Variants in CDH13 observed in about 807,000 individuals in gnomAD.
CDH13 encodes the protein cadherin 13.
In CDH13, 24 loss-of-function variants were observed where a neutral mutation model predicts 63.8. The ratio of observed to expected loss-of-function variants is 0.38; its 90% confidence interval spans 0.27 to 0.53. CDH13 has a LOEUF of 0.53. Ranked by LOEUF, CDH13 falls within the 20% of genes least tolerant of loss-of-function variation. The pLI is 0.85. For synonymous variants in CDH13, 503 were observed against 355.3 expected (o/e 1.42, Z -4.67); for missense variants, 1,049 against 903.1 (o/e 1.16, Z -2.07).
chr16:83,567,079 T>C (rs1904287673), intron 7 of CDH13, among the ~76,000 whole-genome samples: 1 of 152,098 alleles, frequency 6.6e-6, no homozygotes, highest in Non-Finnish European at 1.5e-5. Flanking sequence ...TTTTCCCCAT[T>C]TGCCATCCAG....
intron 6 of CDH13, among the ~76,000 whole-genome samples, chr16:83,346,501 G>A (rs2090842310): frequency 6.6e-6 from 1 of 152,210 alleles, no homozygotes; most frequent in Non-Finnish European, 1.5e-5. Context: ...GGCCCCATGA[G>A]TGAGTGACTA....
chr16:83,656,052 G>A (rs1598422906), intron 8 of CDH13, among the ~76,000 whole-genome samples: 1 of 152,104 alleles, frequency 6.6e-6, no homozygotes. Context: ...ATCACCCGAG[G>A]GGAAACTTTA....
At chr16:82,686,497 G>GGCA (rs1378469277) in intron 1 of CDH13, among the ~76,000 whole-genome samples, 2 of 152,192 alleles carry the variant, frequency 1.3e-5, no homozygotes, top group African/African-American at 4.8e-5. Context: ...TTTTCCCAGA[G>GGCA]GCAGCAGTGC....
chr16:83,228,668 T>C (rs958973504), intron 5 of CDH13, among the ~76,000 whole-genome samples: 3 of 152,192 alleles, frequency 2.0e-5, no homozygotes, highest in Non-Finnish European at 2.9e-5. Flanking sequence ...AAGCATTTAA[T>C]GGCACCTCCA....
At chr16:83,219,442 A>G (rs2039632759) in intron 5 of CDH13, among the ~76,000 whole-genome samples, 1 of 152,214 alleles carries the variant, frequency 6.6e-6, no homozygotes. Flanking sequence ...TGTCTGCCTC[A>G]ACTTCTTATC....
intron 11 of CDH13, among the ~76,000 whole-genome samples, chr16:83,760,994 C>T (rs1421245787): frequency 6.6e-6 from 1 of 152,202 alleles, no homozygotes; most frequent in Non-Finnish European, 1.5e-5. Context: ...TCCCTGCAGT[C>T]CCTACCATGC....
chr16:83,280,249 G>C (rs1257942192), intron 5 of CDH13, among the ~76,000 whole-genome samples: 1 of 152,152 alleles, frequency 6.6e-6, no homozygotes, highest in Non-Finnish European at 1.5e-5. Context: ...CTGCTTTGTC[G>C]ACTAAATTTC....
chr16:83,042,971 C>A (rs1018473779), intron 3 of CDH13, among the ~76,000 whole-genome samples: 1 of 152,170 alleles, frequency 6.6e-6, no homozygotes, highest in African/African-American at 2.4e-5. Context: ...TGCTCCATGG[C>A]AAAAGCCTCC....
At chr16:82,866,608 T>G (rs539453864) in intron 2 of CDH13, among the ~76,000 whole-genome samples, 1 of 152,090 alleles carries the variant, frequency 6.6e-6, no homozygotes, top group African/African-American at 2.4e-5. Flanking sequence ...CAGACTGGTC[T>G]CGTATTAGTC....
At chr16:83,503,019 A>T (rs1246682675) in intron 7 of CDH13, among the ~76,000 whole-genome samples, 1 of 152,188 alleles carries the variant, frequency 6.6e-6, no homozygotes, top group Non-Finnish European at 1.5e-5. Context: ...CTCGTTGGTT[A>T]TGCTTCAGTT....
At chr16:83,771,392 T>C (rs1914750835) in intron 11 of CDH13, among the ~76,000 whole-genome samples, 1 of 152,182 alleles carries the variant, frequency 6.6e-6, no homozygotes, top group Non-Finnish European at 1.5e-5. Flanking sequence ...AGCAGTGGAA[T>C]CCATGTGGTC....
chr16:83,512,339 A>AATAAATAAATAT (rs2074589748), intron 7 of CDH13, among the ~76,000 whole-genome samples: 1 of 145,562 alleles, frequency 6.9e-6, no homozygotes, highest in African/African-American at 2.5e-5. Flanking sequence ...TAAATAAATA[A>AATAAATAAATAT]ATAAATAAAT....
chr16:83,682,749 G>A (rs1915509109), intron 10 of CDH13, among the ~76,000 whole-genome samples: 1 of 151,888 alleles, frequency 6.6e-6, no homozygotes, highest in African/African-American at 2.4e-5. Flanking sequence ...GACATTCCCT[G>A]TGACTCAGCT....
At chr16:83,597,342 G>T (rs1344900355) in intron 7 of CDH13, among the ~76,000 whole-genome samples, 1 of 152,128 alleles carries the variant, frequency 6.6e-6, no homozygotes, top group African/African-American at 2.4e-5. Context: ...CTGTTAAAAT[G>T]AACAGCTCTG....
chr16:82,791,780 C>G (rs1486885506), intron 1 of CDH13, among the ~76,000 whole-genome samples: 2 of 152,200 alleles, frequency 1.3e-5, no homozygotes, highest in East Asian at 3.9e-4. Flanking sequence ...GGGCTGAACA[C>G]TAGTTGCTGG....
At chr16:83,001,544 T>G (rs1181370113) in intron 2 of CDH13, among the ~76,000 whole-genome samples, 1 of 152,248 alleles carries the variant, frequency 6.6e-6, no homozygotes, top group African/African-American at 2.4e-5. Context: ...CACTTTCATT[T>G]TAATTTAAGA....
chr16:83,321,525 A>ATTTTTTTT (rs10672316), intron 5 of CDH13, among the ~76,000 whole-genome samples: 10 of 103,652 alleles, frequency 9.6e-5, no homozygotes, highest in South Asian at 3.3e-4. Flanking sequence ...GAAATCTGGA[A>ATTTTTTTT]TTTTTTTTTT....
chr16:83,457,928 G>A (rs1298794640), intron 6 of CDH13, among the ~76,000 whole-genome samples: 2 of 152,212 alleles, frequency 1.3e-5, no homozygotes, highest in African/African-American at 4.8e-5. Context: ...AGGCGTCTGA[G>A]AACCCTCATC....
intron 7 of CDH13, among the ~76,000 whole-genome samples, chr16:83,554,919 CTTTTTT>C (rs200979734): frequency 4.5e-5 from 6 of 133,782 alleles, no homozygotes; most frequent in Admixed American, 1.5e-4. Flanking sequence ...ACTGCTGAAT[CTTTTTT>C]TTTTTTTTTT....
Sources: allele counts gnomAD v4.1 joint callset (sites outside exome capture counted in the v4.1 genomes callset), GRCh38; gene constraint gnomAD v4.1.1; transcripts MANE v1.5; gene names NCBI Gene and HGNC (gene_info 2026-07-23, HGNC 2026-07-21).